MKNK1: variants seen among roughly 807,000 people sequenced by gnomAD.
MKNK1 encodes MAPK interacting serine/threonine kinase 1, also known as MAP kinase-interacting serine/threonine-protein kinase 1.
A neutral mutation model predicts 49.3 loss-of-function variants in MKNK1; 30 were observed. That is an observed-to-expected ratio of 0.61 (90% CI 0.46 to 0.83). The LOEUF (loss-of-function observed/expected upper bound fraction) is 0.83, where lower values mean the gene tolerates loss of function less well. MKNK1 is among the 40% of genes least tolerant of loss of function. MKNK1 has a pLI of 0.00. For synonymous variants in MKNK1, 176 were observed against 201.7 expected, an observed-to-expected ratio of 0.87 and a Z score of 1.08; for missense variants, 423 against 524.7, an observed-to-expected ratio of 0.81 and a Z score of 1.89.
intron 8 of MKNK1, among the ~76,000 whole-genome samples, chr1:46,565,903 C>T (rs1462261123): frequency 6.6e-6 from 1 of 152,090 alleles, no homozygotes; most frequent in Non-Finnish European, 1.5e-5. Flanking sequence ...TTCTTTCTCC[C>T]CTTCCTTCCT....
chr1:46,564,973 CT>C, intron 9 of MKNK1, 67 bp downstream of exon 9: 1 of 1,469,296 alleles, frequency 6.8e-7, no homozygotes, highest in South Asian at 1.1e-5. Flanking sequence ...ACCCTCTGTT[CT>C]GGACCTCCCA....
chr1:46,571,965 C>CCATCT (rs1183998071), intron 7 of MKNK1, 98 bp downstream of exon 7: 5 of 1,097,412 alleles, frequency 4.6e-6, no homozygotes, highest in Non-Finnish European at 6.9e-6. Context: ...TCCAGCCACA[C>CCATCT]CATCTCCTGC....
rs79779261 is a variant in MKNK1 at position 46,592,964 on chromosome 1, C to T, written c.-3+1149G>A. Among the ~76,000 whole-genome samples the T allele has an allele frequency of 8.5e-4, 129 of 152,018 alleles. No homozygotes were observed. In the East Asian group the frequency reaches 0.023, roughly 27 times the overall value. ...GAGCAGGGAAAGACAATGGCACCAC[C>T]GGGGACCTTCAGATGAAGAAGGGTG... On this transcript the variant is annotated intron_variant, in intron 2 of 12. Coordinates refer to ENST00000371945, the MANE Select transcript of MKNK1 (RefSeq NM_001135553.4).
intron 1 of MKNK1, among the ~76,000 whole-genome samples, chr1:46,599,742 T>C (rs1674503977): frequency 6.6e-6 from 1 of 152,200 alleles, no homozygotes; most frequent in African/African-American, 2.4e-5. Context: ...GCCCTTACTA[T>C]CTATCTAACC....
intron 11 of MKNK1, 59 bp from the exon 12 acceptor site, chr1:46,560,336 C>T: frequency 6.4e-7 from 1 of 1,573,456 alleles, no homozygotes; most frequent in Non-Finnish European, 8.7e-7. Context: ...CAAGAACTGC[C>T]CCACCCAAGC....
intron 3 of MKNK1, among the ~76,000 whole-genome samples, chr1:46,581,070 G>A (rs573270754): frequency 1.7e-4 from 26 of 151,978 alleles, no homozygotes; most frequent in African/African-American, 4.1e-4. Flanking sequence ...ATATATATAC[G>A]CATGATCCCT....
intron 1 of MKNK1, among the ~76,000 whole-genome samples, chr1:46,599,356 C>A (rs1674455592): frequency 6.6e-6 from 1 of 152,190 alleles, no homozygotes; most frequent in South Asian, 2.1e-4. Flanking sequence ...CCCCGACAGA[C>A]CCTTTTGTAA....
At chr1:46,580,921 G>A (rs2148688140) in intron 3 of MKNK1, among the ~76,000 whole-genome samples, 1 of 152,280 alleles carries the variant, frequency 6.6e-6, no homozygotes, top group Admixed American at 6.5e-5. Context: ...CAGCATAACA[G>A]AGTAAGGAAT....
At chr1:46,596,601 C>T (rs779058921) in intron 1 of MKNK1, among the ~76,000 whole-genome samples, 8 of 152,286 alleles carry the variant, frequency 5.3e-5, no homozygotes, top group African/African-American at 1.9e-4. Context: ...ATCTACCAGC[C>T]GGGTAGCCTT....
intron 10 of MKNK1, 23 bp downstream of exon 10, chr1:46,562,626 G>T (rs531424417): frequency 6.5e-7 from 1 of 1,547,856 alleles, no homozygotes; most frequent in Non-Finnish European, 8.7e-7. Context: ...GGTCTACGCA[G>T]TGCTCCCTGG....
At position 46,558,739 on chromosome 1, in the gene MKNK1, G is replaced by A; in HGVS notation, c.1075C>T (p.Leu359=). The A allele has an allele frequency of 1.2e-6, 2 of 1,614,246 alleles. No individual in the cohort carries two copies. The highest frequency in any genetic ancestry group is 1.7e-6 in the Non-Finnish European group (2 of 1,180,044). ...AAEAIALNRQ[L]SQHEENELAE... ...AGTTCGTTCTCTTCGTGCTGAGATAGCTGGCGGTTAAGGGCGATGGCCTCA... is the reference window on the plus strand; with the variant it reads ...AGTTCGTTCTCTTCGTGCTGAGATAACTGGCGGTTAAGGGCGATGGCCTCA... Residue 359 remains leucine, a synonymous_variant, in exon 13 of 13, where the codon CTA becomes TTA. Coordinates refer to ENST00000371945, the MANE Select transcript of MKNK1 (RefSeq NM_001135553.4).
chr1:46,598,444 G>A (rs1430269773), intron 1 of MKNK1, among the ~76,000 whole-genome samples: 1 of 152,088 alleles, frequency 6.6e-6, no homozygotes, highest in Non-Finnish European at 1.5e-5. Flanking sequence ...GTTCCTGACA[G>A]GGCAATGGAA....
intron 10 of MKNK1, among the ~76,000 whole-genome samples, 173 bp downstream of exon 10, chr1:46,562,476 G>A (rs1173255697): frequency 1.3e-5 from 2 of 151,132 alleles, no homozygotes; most frequent in African/African-American, 2.4e-5. Flanking sequence ...CAGCTGGGCG[G>A]AGTGTCTGAT....
intron 5 of MKNK1, 35 bp from the exon 6 acceptor site, chr1:46,575,055 G>A (rs1393511665): frequency 7.3e-7 from 1 of 1,361,268 alleles, no homozygotes; most frequent in Non-Finnish European, 1.0e-6. Flanking sequence ...AGGGAAAAGG[G>A]GGGAAATGGT....
chr1:46,597,908 G>T (rs1487588163), intron 1 of MKNK1, among the ~76,000 whole-genome samples: 1 of 152,148 alleles, frequency 6.6e-6, no homozygotes, highest in Non-Finnish European at 1.5e-5. Flanking sequence ...AAGAAAAGAG[G>T]CATGACCAAT....
At chr1:46,572,915 T>C (rs913539182) in intron 6 of MKNK1, among the ~76,000 whole-genome samples, 1 of 152,136 alleles carries the variant, frequency 6.6e-6, no homozygotes, top group Non-Finnish European at 1.5e-5. Context: ...GCCAGACATG[T>C]AAAGGCCTGG....
chr1:46,572,426 G>A (rs1050619150), intron 6 of MKNK1: 1 of 284,016 alleles, frequency 3.5e-6, no homozygotes, highest in Admixed American at 4.2e-5. Context: ...CACCATGTTG[G>A]TCAGGCTGGT....
chr1:46,583,261 G>A lies in MKNK1; in HGVS notation c.67C>T (p.Arg23Trp), dbSNP rs200061185. 1.7e-4 allele frequency: 271 copies of A among 1,613,910 alleles called. No homozygotes were observed. The highest frequency in any genetic ancestry group is 2.2e-5 in the South Asian group (2 of 91,064). ...TTTCCTGGCAAGGAGTCAGTGGCCCGGCCCCTCCGCTTCTTCTTCCTCCTC... is the reference window on the plus strand; with the variant it reads ...TTTCCTGGCAAGGAGTCAGTGGCCCAGCCCCTCCGCTTCTTCTTCCTCCTC... ...DRRRKKKRRG[R>W]ATDSLPGKFE... The change falls in exon 3 of 13, where the codon CGG becomes TGG. Residue 23 changes from arginine (R) to tryptophan (W), a missense_variant. Transcript: ENST00000371945.
At position 46,560,278 on chromosome 1, in the gene MKNK1, C is replaced by T. The variant is rs1557819539; in HGVS notation, c.970-1G>A. On this transcript the variant is annotated splice_acceptor_variant, in intron 11 of 12. Coordinates refer to ENST00000371945, the MANE Select transcript of MKNK1 (RefSeq NM_001135553.4). LOFTEE classifies it high-confidence loss of function. ...TGGGGAGTCCCTTTTCTGGAGCTTGCTAGAATGGGAAGGACAGATGTGTAG... is the reference window on the plus strand; with the variant it reads ...TGGGGAGTCCCTTTTCTGGAGCTTGTTAGAATGGGAAGGACAGATGTGTAG... 6.2e-7 allele frequency: 1 copy of T among 1,614,110 alleles called. No homozygotes were observed. Among genetic ancestry groups the T allele is most frequent in the African/African-American group, 1.3e-5 (1 of 75,044 alleles).
Sources: allele counts gnomAD v4.1 joint callset (sites outside exome capture counted in the v4.1 genomes callset), GRCh38; gene constraint gnomAD v4.1.1; transcripts MANE v1.5; gene names NCBI Gene and HGNC (gene_info 2026-07-23, HGNC 2026-07-21).